Variants in LPGAT1 observed in about 807,000 individuals in gnomAD.
LPGAT1 encodes the protein lysophosphatidylglycerol acyltransferase 1.
Under a neutral mutation model 47.5 loss-of-function variants are expected in LPGAT1, and 11 were observed. The ratio of observed to expected loss-of-function variants is 0.23; its 90% CI spans 0.15 to 0.38. The LOEUF is 0.38. LPGAT1 is among the 10% of genes least tolerant of loss of function. LPGAT1 has a pLI of 1.00. For synonymous variants in LPGAT1, 138 were observed against 144.2 expected (o/e 0.96, Z 0.31); for missense variants, 293 against 439.0 (o/e 0.67, Z 2.97).
In LPGAT1 at chr1:211,830,292, C is replaced by T; in HGVS notation, c.-28+281G>A. The T allele has an allele frequency of 1.9e-6, 2 of 1,052,158 alleles. No individual in the cohort carries two copies. Among genetic ancestry groups the T allele is most frequent in the South Asian group, 4.6e-5 (1 of 21,928 alleles). The allele number at this position is 1,052,158 out of a possible 1,614,324, so 65.2% of individuals were successfully genotyped here. On this transcript the variant is annotated intron_variant, in intron 1 of 7. Transcript: ENST00000366997. The surrounding 1 kb of genome is among the most constrained non-coding windows in gnomAD (Gnocchi z 5.9). Reference sequence around the variant, plus strand: ...GGCCCAAGCGGCCCGAGGCGCTGCGCGAGCGGGCGCGCTGGCGCCCTACTC... The same window carrying T: ...GGCCCAAGCGGCCCGAGGCGCTGCGTGAGCGGGCGCGCTGGCGCCCTACTC...
intron 2 of LPGAT1, among the ~76,000 whole-genome samples, chr1:211,823,889 A>G (rs1396063979): frequency 6.6e-6 from 1 of 151,902 alleles, no homozygotes; most frequent in South Asian, 2.1e-4. Flanking sequence ...GCAGTGAGCT[A>G]AGATCTAGCC....
chr1:211,794,155 A>AC (rs1403624315), intron 2 of LPGAT1, among the ~76,000 whole-genome samples: 7 of 152,246 alleles, frequency 4.6e-5, no homozygotes, highest in Admixed American at 1.3e-4. Flanking sequence ...AATAATGCAT[A>AC]CTTTCACCTT....
At chr1:211,772,413 C>T (rs2102520253) in intron 6 of LPGAT1, among the ~76,000 whole-genome samples, 1 of 152,278 alleles carries the variant, frequency 6.6e-6, no homozygotes, top group Non-Finnish European at 1.5e-5. Context: ...TATCTTGACT[C>T]TCTCAAATGA....
intron 6 of LPGAT1, among the ~76,000 whole-genome samples, chr1:211,754,231 T>G (rs1239213674): frequency 1.3e-5 from 2 of 152,150 alleles, no homozygotes; most frequent in Non-Finnish European, 2.9e-5. Flanking sequence ...GGCTGCGGGA[T>G]CTGCATTCTT....
intron 4 of LPGAT1, 143 bp downstream of exon 4, chr1:211,787,489 C>CAAAAA (rs374026763): frequency 3.1e-5 from 6 of 190,592 alleles, no homozygotes; most frequent in African/African-American, 1.6e-4. Flanking sequence ...CTCTGTCTCT[C>CAAAAA]AAAAAAAAAA....
intron 3 of LPGAT1, among the ~76,000 whole-genome samples, chr1:211,791,768 A>G (rs1214521803): frequency 6.7e-6 from 1 of 149,892 alleles, no homozygotes; most frequent in Non-Finnish European, 1.5e-5. Context: ...AAAAAAAACA[A>G]ACAAACAAAA....
At chr1:211,802,013 G>A (rs1050974885) in intron 2 of LPGAT1, among the ~76,000 whole-genome samples, 2 of 150,804 alleles carry the variant, frequency 1.3e-5, no homozygotes, top group Non-Finnish European at 3.0e-5. Flanking sequence ...GCTTGAAACT[G>A]GGAGGTTAAG....
At chr1:211,754,862 A>G (rs1289255312) in intron 6 of LPGAT1, among the ~76,000 whole-genome samples, 14 of 151,972 alleles carry the variant, frequency 9.2e-5, no homozygotes, top group Non-Finnish European at 1.3e-4. Flanking sequence ...AAAAATAAAA[A>G]AAATTAGCCA....
chr1:211,805,777 T>C (rs528106400), intron 2 of LPGAT1, among the ~76,000 whole-genome samples: 1 of 152,270 alleles, frequency 6.6e-6, no homozygotes, highest in South Asian at 2.1e-4. Context: ...AAGGAAGGAA[T>C]GCTTTCAAGT....
intron 6 of LPGAT1, among the ~76,000 whole-genome samples, chr1:211,771,514 A>T (rs912420198): frequency 4.7e-5 from 7 of 150,312 alleles, no homozygotes; most frequent in East Asian, 3.9e-4. Flanking sequence ...TATTATTATT[A>T]TTTTTTTGAG....
At chr1:211,794,373 C>T (rs1205130229) in intron 2 of LPGAT1, among the ~76,000 whole-genome samples, 3 of 152,138 alleles carry the variant, frequency 2.0e-5, no homozygotes, top group African/African-American at 7.2e-5. Context: ...ATCACAATGG[C>T]TCACTGCAGC....
intron 6 of LPGAT1, among the ~76,000 whole-genome samples, chr1:211,755,777 TAG>T (rs149680907): frequency 0.031 from 4,647 of 152,070 alleles, 95 homozygotes; most frequent in South Asian, 0.11. Flanking sequence ...ATAACCAAAA[TAG>T]AGTCTTATTT....
intron 5 of LPGAT1, 109 bp from the exon 6 acceptor site, chr1:211,779,153 T>G: frequency 2.5e-6 from 2 of 785,492 alleles, no homozygotes; most frequent in Non-Finnish European, 3.7e-6. Context: ...ACCTTTTGCA[T>G]TAAGAAAAAT....
intron 6 of LPGAT1, among the ~76,000 whole-genome samples, chr1:211,757,206 A>T (rs1412618729): frequency 6.6e-6 from 1 of 151,648 alleles, no homozygotes; most frequent in African/African-American, 2.4e-5. Context: ...GTGAGCCGAG[A>T]TCGTACCACT....
intron 6 of LPGAT1, among the ~76,000 whole-genome samples, chr1:211,772,732 G>A (rs1360617576): frequency 2.6e-5 from 4 of 152,114 alleles, no homozygotes. Context: ...ATTGTCGAGG[G>A]GGTGTGATGT....
intron 3 of LPGAT1, among the ~76,000 whole-genome samples, chr1:211,790,412 A>T (rs1659063996): frequency 6.6e-6 from 1 of 150,420 alleles, no homozygotes; most frequent in South Asian, 2.1e-4. Context: ...AATATTTTTC[A>T]ACTGGCCCAC....
intron 3 of LPGAT1, among the ~76,000 whole-genome samples, chr1:211,790,084 A>G (rs1659046225): frequency 6.6e-6 from 1 of 152,166 alleles, no homozygotes; most frequent in South Asian, 2.1e-4. Context: ...CTACGTATCA[A>G]AACATCGTCT....
intron 6 of LPGAT1, among the ~76,000 whole-genome samples, chr1:211,760,304 A>C (rs911364443): frequency 3.4e-4 from 52 of 152,246 alleles, no homozygotes; most frequent in African/African-American, 1.2e-3. Flanking sequence ...AAATACAAAA[A>C]ATTAGCCAGG....
chr1:211,820,158 A>G (rs572844372), intron 2 of LPGAT1, among the ~76,000 whole-genome samples: 22 of 152,296 alleles, frequency 1.4e-4, no homozygotes, highest in Admixed American at 5.2e-4. Flanking sequence ...ACAGAGAAAC[A>G]CACCCAGGTG....
Sources: allele counts gnomAD v4.1 joint callset (sites outside exome capture counted in the v4.1 genomes callset), GRCh38; gene constraint gnomAD v4.1.1; non-coding constraint Gnocchi (gnomAD v3.1); transcripts MANE v1.5; gene names NCBI Gene and HGNC (gene_info 2026-07-23, HGNC 2026-07-21).